The following ANO10 variants were observed in gnomAD, a reference collection of about 807,000 sequenced individuals.
ANO10 encodes anoctamin-10.
In ANO10, 77 loss-of-function variants were observed where a neutral mutation model predicts 74.7. That is an observed-to-expected ratio of 1.03 (90% CI 0.86 to 1.25). ANO10 has a LOEUF of 1.25. Ranked by LOEUF, ANO10 falls within the 50% of genes most tolerant of loss-of-function variation. ANO10 has a pLI of 0.00. For synonymous variants in ANO10, 279 were observed against 284.9 expected (o/e 0.98, Z 0.21); for missense variants, 721 against 778.1 (o/e 0.93, Z 0.87).
chr3:43,544,542 CAGCACTTTGGG>C (rs1421243306), intron 11 of ANO10, among the ~76,000 whole-genome samples: 1 of 152,040 alleles, frequency 6.6e-6, no homozygotes, highest in Non-Finnish European at 1.5e-5. Context: ...CCTGTAATCC[CAGCACTTTGGG>C]AGGCTGAGGC....
At chr3:43,660,685 T>G (rs2083915652) in intron 1 of ANO10, among the ~76,000 whole-genome samples, 1 of 152,214 alleles carries the variant, frequency 6.6e-6, no homozygotes, top group South Asian at 2.1e-4. Flanking sequence ...CTGGGCGCAG[T>G]GGCTCACGCC....
At chr3:43,525,560 C>G (rs1383134715) in intron 11 of ANO10, among the ~76,000 whole-genome samples, 1 of 152,192 alleles carries the variant, frequency 6.6e-6, no homozygotes, top group Admixed American at 6.5e-5. Flanking sequence ...CACAGTTAAC[C>G]CCATGGTCAG....
intron 11 of ANO10, among the ~76,000 whole-genome samples, chr3:43,462,147 A>C (rs532081393): frequency 1.3e-5 from 2 of 152,246 alleles, no homozygotes; most frequent in East Asian, 1.9e-4. Context: ...GAGAGAGTTG[A>C]TTTAGGGTAT....
At chr3:43,557,976 A>G (rs950321147) in intron 9 of ANO10, among the ~76,000 whole-genome samples, 2 of 151,200 alleles carry the variant, frequency 1.3e-5, no homozygotes, top group Non-Finnish European at 3.0e-5. Flanking sequence ...ATGATGGTAC[A>G]TGCCTGTAGT....
chr3:43,541,198 A>C (rs2078939451), intron 11 of ANO10, among the ~76,000 whole-genome samples: 1 of 152,246 alleles, frequency 6.6e-6, no homozygotes, highest in Admixed American at 6.5e-5. Context: ...CTAAGTTTTA[A>C]ACTGAATTCT....
At chr3:43,596,570 C>T (rs2082095317) in intron 4 of ANO10, among the ~76,000 whole-genome samples, 2 of 152,088 alleles carry the variant, frequency 1.3e-5, no homozygotes. Context: ...ATATAGAAAG[C>T]TGAAACTGTA....
chr3:43,549,633 A>T, intron 11 of ANO10, 87 bp downstream of exon 11: 1 of 1,450,382 alleles, frequency 6.9e-7, no homozygotes, highest in Non-Finnish European at 9.7e-7. Flanking sequence ...CTCAATTGTC[A>T]GTCATGGACA....
chr3:43,379,565 G>C (rs73831287), intron 12 of ANO10, among the ~76,000 whole-genome samples: 3,693 of 152,268 alleles, frequency 0.024, 158 homozygotes, highest in African/African-American at 0.083. Context: ...GGGACAGCCA[G>C]GAACTGTGAG....
At chr3:43,418,917 G>T (rs530297848) in intron 12 of ANO10, among the ~76,000 whole-genome samples, 1 of 152,234 alleles carries the variant, frequency 6.6e-6, no homozygotes, top group Non-Finnish European at 1.5e-5. Context: ...TTTCATTTAC[G>T]TATGTCTAAG....
intron 11 of ANO10, among the ~76,000 whole-genome samples, chr3:43,465,867 A>G (rs2075589849): frequency 6.6e-6 from 1 of 152,220 alleles, no homozygotes; most frequent in African/African-American, 2.4e-5. Flanking sequence ...AAAGATATAC[A>G]AAGTTCATGA....
At chr3:43,380,289 G>A (rs1172043539) in intron 12 of ANO10, among the ~76,000 whole-genome samples, 1 of 152,136 alleles carries the variant, frequency 6.6e-6, no homozygotes, top group East Asian at 1.9e-4. Context: ...AACTTCTCCA[G>A]CATTGCTAGA....
intron 1 of ANO10, among the ~76,000 whole-genome samples, chr3:43,680,530 T>C (rs988949034): frequency 5.3e-5 from 8 of 152,166 alleles, no homozygotes; most frequent in African/African-American, 1.9e-4. Flanking sequence ...CCAGGAGAAC[T>C]TCCCCAGTCT....
chr3:43,428,755 G>T (rs1464998959), intron 12 of ANO10, among the ~76,000 whole-genome samples: 1 of 68,960 alleles, frequency 1.5e-5, no homozygotes, highest in African/African-American at 5.6e-5. Flanking sequence ...TCCCTAATCT[G>T]AAAATCTGAA....
At chr3:43,671,629 CATG>C (rs1200849001) in intron 1 of ANO10, among the ~76,000 whole-genome samples, 2 of 152,016 alleles carry the variant, frequency 1.3e-5, no homozygotes, top group East Asian at 3.8e-4. Flanking sequence ...CAGGTGTTAT[CATG>C]ATAACTATAA....
intron 11 of ANO10, among the ~76,000 whole-genome samples, chr3:43,492,940 T>C (rs1418184446): frequency 6.6e-6 from 1 of 152,202 alleles, no homozygotes; most frequent in Non-Finnish European, 1.5e-5. Flanking sequence ...TTACTGGGCA[T>C]ATGCCCAAAG....
intron 11 of ANO10, among the ~76,000 whole-genome samples, chr3:43,502,018 G>T (rs2077118664): frequency 6.6e-6 from 1 of 152,132 alleles, no homozygotes; most frequent in Non-Finnish European, 1.5e-5. Context: ...AACAAGTGTT[G>T]GTGAGAATAC....
At chr3:43,675,790 T>G (rs796756155) in intron 1 of ANO10, among the ~76,000 whole-genome samples, 4 of 152,118 alleles carry the variant, frequency 2.6e-5, no homozygotes, top group African/African-American at 9.6e-5. Context: ...GGCAAGGAAG[T>G]GGAGAAACTA....
rs569265347 is a variant in ANO10 at position 43,412,816 on chromosome 3, C to T, written c.1914+19795G>A. Reference sequence around the variant, plus strand: ...CTGTAATCCCAGCACTTTGGGAGGCCGAGGCAGGAGGATCACTTGAGGTCA... The same window carrying T: ...CTGTAATCCCAGCACTTTGGGAGGCTGAGGCAGGAGGATCACTTGAGGTCA... On this transcript the variant is annotated intron_variant, in intron 12 of 12. Coordinates refer to ENST00000292246, the MANE Select transcript of ANO10 (RefSeq NM_018075.5). Among the ~76,000 whole-genome samples the T allele has an allele frequency of 2.6e-5, 4 of 152,166 alleles. No individual in the cohort carries two copies. The South Asian group carries it at 8.3e-4, about 32-fold the overall frequency.
intron 4 of ANO10, among the ~76,000 whole-genome samples, chr3:43,580,829 A>G (rs933238754): frequency 6.6e-6 from 1 of 152,188 alleles, no homozygotes; most frequent in African/African-American, 2.4e-5. Flanking sequence ...GAACAAAAAT[A>G]AAATCATTTT....
Sources: gnomAD v4.1 joint callset for allele counts (sites outside exome capture counted in the v4.1 genomes callset) on GRCh38, gnomAD v4.1.1 for gene constraint, MANE v1.5 for transcripts, NCBI Gene and HGNC (gene_info 2026-07-23, HGNC 2026-07-21) for gene names.